NAALADL2: variants seen among roughly 807,000 people sequenced by gnomAD.
NAALADL2 encodes inactive N-acetylated-alpha-linked acidic dipeptidase-like protein 2.
Under a neutral mutation model 87.2 loss-of-function variants are expected in NAALADL2, and 76 were observed. The observed-to-expected ratio is 0.87, with a 90% CI of 0.72 to 1.05. NAALADL2 has a LOEUF of 1.05. Ranked by LOEUF, NAALADL2 falls within the 50% of genes least tolerant of loss-of-function variation. NAALADL2 has a pLI of 0.00. For synonymous variants in NAALADL2, 354 were observed against 331.0 expected, an observed-to-expected ratio of 1.07 and a Z score of -0.75; for missense variants, 1,089 against 945.8, an observed-to-expected ratio of 1.15 and a Z score of -1.99.
chr3:174,712,595 C>T (rs1730759693), intron 2 of NAALADL2, among the ~76,000 whole-genome samples: 1 of 151,404 alleles, frequency 6.6e-6, no homozygotes, highest in South Asian at 2.1e-4. Flanking sequence ...ACCACTGTAG[C>T]CAGGATGGTC....
chr3:174,941,172 C>G (rs897961348), intron 1 of NAALADL2, among the ~76,000 whole-genome samples: 1 of 152,036 alleles, frequency 6.6e-6, no homozygotes, highest in Non-Finnish European at 1.5e-5. Context: ...ACTGTCTTAG[C>G]TGGATCCCAG....
intron 2 of NAALADL2, among the ~76,000 whole-genome samples, chr3:175,194,498 G>T (rs138503267): frequency 6.6e-6 from 1 of 151,760 alleles, no homozygotes; most frequent in Admixed American, 6.6e-5. Context: ...TTTAATGAAA[G>T]GTAGGCTATA....
At chr3:174,816,927 T>C (rs1300792545) in intron 3 of NAALADL2, among the ~76,000 whole-genome samples, 2 of 152,192 alleles carry the variant, frequency 1.3e-5, no homozygotes, top group Non-Finnish European at 2.9e-5. Flanking sequence ...TAGTAAATCA[T>C]ATATTGGACT....
At chr3:175,512,682 C>T (rs192655883) in intron 9 of NAALADL2, among the ~76,000 whole-genome samples, 9 of 152,176 alleles carry the variant, frequency 5.9e-5, no homozygotes, top group South Asian at 2.1e-4. Flanking sequence ...GAGTAGGAGC[C>T]GAACTACTAT....
intron 1 of NAALADL2, among the ~76,000 whole-genome samples, chr3:174,463,594 A>G (rs963047654): frequency 7.5e-6 from 1 of 133,712 alleles, no homozygotes; most frequent in Non-Finnish European, 1.6e-5. Context: ...TACCCTAAAG[A>G]TTATCTTTTT....
intron 1 of NAALADL2, among the ~76,000 whole-genome samples, chr3:174,507,603 A>G (rs559707558): frequency 5.9e-4 from 84 of 142,626 alleles, no homozygotes; most frequent in African/African-American, 1.9e-3. Context: ...TCTGGCAACT[A>G]TTGATCTGCT....
intron 1 of NAALADL2, among the ~76,000 whole-genome samples, chr3:174,535,940 A>G (rs536367079): frequency 6.6e-6 from 1 of 152,144 alleles, no homozygotes; most frequent in Non-Finnish European, 1.5e-5. Context: ...AGAACGATTG[A>G]ATGAAAAAAT....
rs149358171 is a variant in NAALADL2 at position 175,298,571 on chromosome 3, C to G, written c.940-25604C>G. Among the ~76,000 whole-genome samples, 459 of 152,194 alleles carry G rather than the reference C, an allele frequency of 3.0e-3. 4 individuals carry two copies. The highest frequency in any genetic ancestry group is 0.01 in the African/African-American group (422 of 41,538). ...TCCAACTATACATCTAAAAATCCAT[C>G]AAATTTTCAAATCTCTCTGCTTGCT... On this transcript the variant is annotated intron_variant, in intron 4 of 13. Coordinates refer to ENST00000454872, the MANE Select transcript of NAALADL2 (RefSeq NM_207015.3).
intron 1 of NAALADL2, among the ~76,000 whole-genome samples, chr3:174,441,824 G>A (rs1183179416): frequency 6.6e-6 from 1 of 150,418 alleles, no homozygotes; most frequent in African/African-American, 2.5e-5. Flanking sequence ...GCATACAGTA[G>A]CCTTTACATT....
chr3:174,457,928 A>G (rs1715952889), intron 1 of NAALADL2, among the ~76,000 whole-genome samples: 1 of 152,152 alleles, frequency 6.6e-6, no homozygotes, highest in South Asian at 2.1e-4. Flanking sequence ...TATAAGTGGG[A>G]GCTAAATAAT....
intron 6 of NAALADL2, among the ~76,000 whole-genome samples, chr3:175,456,464 TAC>T (rs58456254): frequency 1.3e-5 from 2 of 151,466 alleles, no homozygotes; most frequent in African/African-American, 2.4e-5. Context: ...TAACTACCAA[TAC>T]ACACACACAC....
intron 2 of NAALADL2, among the ~76,000 whole-genome samples, chr3:175,099,528 A>G (rs902691531): frequency 5.9e-5 from 9 of 152,154 alleles, no homozygotes; most frequent in African/African-American, 2.2e-4. Flanking sequence ...TTCTCCCTCA[A>G]TTGTCATCCT....
intron 1 of NAALADL2, among the ~76,000 whole-genome samples, chr3:174,982,421 G>T (rs983105650): frequency 5.9e-5 from 9 of 151,974 alleles, no homozygotes; most frequent in African/African-American, 1.9e-4. Context: ...GGCCTCTGAT[G>T]ATTTGAGGAT....
intron 11 of NAALADL2, among the ~76,000 whole-genome samples, chr3:175,688,637 C>T (rs1736636206): frequency 6.6e-6 from 1 of 152,070 alleles, no homozygotes; most frequent in African/African-American, 2.4e-5. Context: ...GAGGGAGCCC[C>T]CAAACAAAAG....
At chr3:175,696,573 C>A (rs1242870529) in intron 11 of NAALADL2, among the ~76,000 whole-genome samples, 3 of 151,804 alleles carry the variant, frequency 2.0e-5, no homozygotes, top group Non-Finnish European at 2.9e-5. Flanking sequence ...GATGCAAACA[C>A]ATAGGATGTG....
intron 1 of NAALADL2, among the ~76,000 whole-genome samples, chr3:175,067,667 G>A (rs1315502769): frequency 6.6e-6 from 1 of 151,802 alleles, no homozygotes; most frequent in African/African-American, 2.4e-5. Context: ...CTTAGTTACT[G>A]TGGAAAGCAG....
chr3:175,697,493 A>G (rs1737992321), intron 11 of NAALADL2, among the ~76,000 whole-genome samples: 1 of 151,768 alleles, frequency 6.6e-6, no homozygotes, highest in South Asian at 2.1e-4. Flanking sequence ...GTTGAGTTAG[A>G]GTTATGGGAT....
At chr3:175,745,474 T>G (rs996171129) in intron 12 of NAALADL2, among the ~76,000 whole-genome samples, 2 of 152,158 alleles carry the variant, frequency 1.3e-5, no homozygotes, top group Admixed American at 1.3e-4. Context: ...CATATAAAAT[T>G]ATGTAGTATT....
intron 1 of NAALADL2, among the ~76,000 whole-genome samples, chr3:174,879,422 A>G (rs1224986589): frequency 6.6e-6 from 1 of 152,074 alleles, no homozygotes; most frequent in Non-Finnish European, 1.5e-5. Flanking sequence ...TGTCTTTAAT[A>G]TACATATTCT....
Sources: gnomAD v4.1 joint callset for allele counts (sites outside exome capture counted in the v4.1 genomes callset) on GRCh38, gnomAD v4.1.1 for gene constraint, MANE v1.5 for transcripts, NCBI Gene and HGNC (gene_info 2026-07-23, HGNC 2026-07-21) for gene names.